Variants in TAMM41 observed in about 807,000 individuals in gnomAD.
TAMM41 encodes the protein phosphatidate cytidylyltransferase, mitochondrial.
TAMM41 carries 36 observed loss-of-function variants against 44.1 expected under a neutral mutation model. That is an observed-to-expected ratio of 0.82 (90% CI 0.63 to 1.08). The LOEUF (loss-of-function observed/expected upper bound fraction) is 1.08. TAMM41 is among the 50% of genes least tolerant of loss of function. The pLI, the probability that TAMM41 is intolerant of heterozygous loss-of-function variation, is 0.00. For synonymous variants in TAMM41, 164 were observed against 153.1 expected (o/e 1.07, Z -0.53); for missense variants, 417 against 404.3 (o/e 1.03, Z -0.27).
At chr3:11,758,279 G>C in the TAMM41 span, among the ~76,000 whole-genome samples, 30 of 152,334 alleles carry the variant, frequency 2.0e-4, no homozygotes, top group East Asian at 5.4e-3. Flanking sequence ...TGTTTTTGAA[G>C]GGCAATGGAG....
chr3:11,784,570 A>G, the TAMM41 span, among the ~76,000 whole-genome samples: 1 of 152,206 alleles, frequency 6.6e-6, no homozygotes, highest in African/African-American at 2.4e-5. Flanking sequence ...GTGTATATAC[A>G]TACTCACGGA....
At chr3:11,756,790 G>C in the TAMM41 span, among the ~76,000 whole-genome samples, 1 of 151,864 alleles carries the variant, frequency 6.6e-6, no homozygotes, top group Non-Finnish European at 1.5e-5. Flanking sequence ...GCTTGAACCT[G>C]GGAGGCAGAG....
chr3:11,841,967 A>C (rs1459526659), intron 2 of TAMM41, among the ~76,000 whole-genome samples: 4 of 152,236 alleles, frequency 2.6e-5, no homozygotes, highest in African/African-American at 9.6e-5. Context: ...AGGGGTATGC[A>C]GACGTCACCA....
chr3:11,823,127 C>T (rs4684819), intron 4 of TAMM41, among the ~76,000 whole-genome samples: 21,437 of 152,094 alleles, frequency 0.14, 3,259 homozygotes, highest in East Asian at 0.47. Context: ...TCCCTAATAC[C>T]TATGATGTTT....
rs1170277597 is a variant in TAMM41 at position 11,839,262 on chromosome 3, T to C, written c.371A>G (p.Asn124Ser). 3 of 1,613,762 alleles carry C rather than the reference T, an allele frequency of 1.9e-6. No individual in the cohort carries two copies. The highest frequency in any genetic ancestry group is 2.5e-6 in the Non-Finnish European group (3 of 1,179,828). The change falls in exon 3 of 8, where the codon AAC becomes AGC. Residue 124 changes from asparagine (N) to serine (S), a missense_variant. Transcript: ENST00000455809. Reference sequence around the variant, plus strand: ...TCCAGCAATGTATAAGTTATTCCAGTTGAGGAGATCTTCAATCAGAACGTT... The same window carrying C: ...TCCAGCAATGTATAAGTTATTCCAGCTGAGGAGATCTTCAATCAGAACGTT... ...STNVLIEDLL[N>S]WNNLYIAGRL...
At chr3:11,801,994 G>C (rs965980516) in intron 7 of TAMM41, among the ~76,000 whole-genome samples, 1 of 152,172 alleles carries the variant, frequency 6.6e-6, no homozygotes. Context: ...GCTGAGGCTG[G>C]CGGATCGAGA....
the TAMM41 span, among the ~76,000 whole-genome samples, chr3:11,733,787 G>A: frequency 6.6e-5 from 10 of 151,872 alleles, no homozygotes; most frequent in South Asian, 6.2e-4. Context: ...GAGCCACCAC[G>A]CCCGGCCAGG....
chr3:11,724,623 C>T, the TAMM41 span, among the ~76,000 whole-genome samples: 122 of 151,870 alleles, frequency 8.0e-4, 2 homozygotes, highest in South Asian at 0.025. Context: ...GCCATGTTGA[C>T]CAAGTTGGTC....
the TAMM41 span, among the ~76,000 whole-genome samples, chr3:11,754,276 TAC>T: frequency 6.6e-6 from 1 of 152,140 alleles, no homozygotes; most frequent in Non-Finnish European, 1.5e-5. Flanking sequence ...CATGACCCAC[TAC>T]CCAGGCATCT....
chr3:11,813,193 A>G (rs2078144909), intron 5 of TAMM41, among the ~76,000 whole-genome samples: 1 of 152,166 alleles, frequency 6.6e-6, no homozygotes, highest in Admixed American at 6.5e-5. Context: ...AGATCTCTGG[A>G]GAAATTCTAC....
At chr3:11,781,483 C>A in the TAMM41 span, among the ~76,000 whole-genome samples, 1 of 152,142 alleles carries the variant, frequency 6.6e-6, no homozygotes, top group Admixed American at 6.5e-5. Flanking sequence ...ACCTGTAATC[C>A]CAGCACTTTG....
the TAMM41 span, among the ~76,000 whole-genome samples, chr3:11,753,576 TAAAA>T: frequency 7.1e-6 from 1 of 141,146 alleles, no homozygotes; most frequent in Non-Finnish European, 1.6e-5. Context: ...TAAAAAAAAA[TAAAA>T]AATAAAAAAA....
the TAMM41 span, among the ~76,000 whole-genome samples, chr3:11,779,708 ACTAT>A: frequency 6.6e-6 from 1 of 152,186 alleles, no homozygotes; most frequent in African/African-American, 2.4e-5. Context: ...GTCTTTAGTC[ACTAT>A]CTATTAGCTG....
At chr3:11,795,791 G>A (rs569644630) in intron 7 of TAMM41, among the ~76,000 whole-genome samples, 19 of 152,180 alleles carry the variant, frequency 1.2e-4, no homozygotes, top group Non-Finnish European at 2.5e-4. Flanking sequence ...AAAGGCTGCT[G>A]CTCGAATATG....
At chr3:11,825,478 T>C (rs548907106) in intron 4 of TAMM41, among the ~76,000 whole-genome samples, 4 of 152,314 alleles carry the variant, frequency 2.6e-5, no homozygotes, top group African/African-American at 9.6e-5. Context: ...GAATAAATCT[T>C]ACTAGCTTCC....
At chr3:11,772,265 T>G in the TAMM41 span, among the ~76,000 whole-genome samples, 4 of 149,494 alleles carry the variant, frequency 2.7e-5, no homozygotes, top group African/African-American at 7.4e-5. Flanking sequence ...GTAGTTTTAG[T>G]AGAGACGGGC....
intron 4 of TAMM41, 65 bp from the exon 5 acceptor site, chr3:11,817,402 C>T (rs868495932): frequency 3.4e-5 from 52 of 1,528,966 alleles, no homozygotes; most frequent in African/African-American, 1.2e-4. Flanking sequence ...CTATGAACGA[C>T]GCTCCCCACA....
At chr3:11,734,289 T>C in the TAMM41 span, among the ~76,000 whole-genome samples, 2 of 151,222 alleles carry the variant, frequency 1.3e-5, no homozygotes, top group Non-Finnish European at 3.0e-5. Flanking sequence ...GGGGGAGGAG[T>C]AGAATTATCC....
the TAMM41 span, among the ~76,000 whole-genome samples, chr3:11,756,383 C>T: frequency 1.3e-5 from 2 of 152,198 alleles, no homozygotes; most frequent in East Asian, 3.8e-4. Context: ...CTGTCATTTA[C>T]TGAGGGTCCA....
Sources: gnomAD v4.1 joint callset for allele counts (sites outside exome capture counted in the v4.1 genomes callset) on GRCh38, gnomAD v4.1.1 for gene constraint, MANE v1.5 for transcripts, NCBI Gene and HGNC (gene_info 2026-07-23, HGNC 2026-07-21) for gene names.